Variants in STK39 observed in about 807,000 individuals in gnomAD.
STK39 encodes the protein STE20/SPS1-related proline-alanine-rich protein kinase.
A neutral mutation model predicts 77.8 loss-of-function variants in STK39; 20 were observed. That is an observed-to-expected ratio of 0.26 (90% CI 0.18 to 0.37). The LOEUF is 0.37. Among genes scored for constraint, STK39 ranks in the 10% least tolerant of loss-of-function variants. STK39 has a pLI of 1.00. For missense variants in STK39, 479 were observed against 656.5 expected (o/e 0.73, Z 2.95); for synonymous variants, 246 against 234.1 (o/e 1.05, Z -0.47).
chr2:167,956,696 ACT>A (rs869141537), intron 17 of STK39, among the ~76,000 whole-genome samples: 1,125 of 48,686 alleles, frequency 0.023, 23 homozygotes, highest in East Asian at 0.046. Flanking sequence ...ACACACACAC[ACT>A]CTCTCTCTCT....
rs571825978 is a variant in STK39 at position 168,043,199 on chromosome 2, T to C, written c.1376+20301A>G. Reference sequence around the variant, plus strand: ...AATCAGAGTATGTTTTCCTTTATCATTTAACTTGGTTTATTCATTTTATAC... The same window carrying C: ...AATCAGAGTATGTTTTCCTTTATCACTTAACTTGGTTTATTCATTTTATAC... On this transcript the variant is annotated intron_variant, in intron 14 of 17. Coordinates refer to ENST00000355999, the MANE Select transcript of STK39 (RefSeq NM_013233.3). Among the ~76,000 whole-genome samples the C allele has an allele frequency of 2.0e-5, 3 of 152,278 alleles. No homozygotes were observed. In the South Asian group the frequency reaches 6.2e-4, roughly 32 times the overall value.
chr2:168,160,593 G>A (rs1574514269), intron 5 of STK39, among the ~76,000 whole-genome samples: 1 of 150,142 alleles, frequency 6.7e-6, no homozygotes, highest in South Asian at 2.1e-4. Flanking sequence ...AGATGAAGTA[G>A]TTTATATTTT....
intron 14 of STK39, among the ~76,000 whole-genome samples, chr2:168,062,603 G>A (rs1685692099): frequency 6.6e-6 from 1 of 152,166 alleles, no homozygotes; most frequent in African/African-American, 2.4e-5. Flanking sequence ...ATAACTCAGA[G>A]GGGTGGAAAC....
At chr2:168,012,789 T>C in intron 15 of STK39, 87 bp from the exon 16 acceptor site, 1 of 1,094,660 alleles carries the variant, frequency 9.1e-7, no homozygotes, top group Non-Finnish European at 1.3e-6. Context: ...ATTTTTCATT[T>C]ACTAAAATCG....
At chr2:168,193,878 C>CA (rs1689402805) in intron 1 of STK39, among the ~76,000 whole-genome samples, 2 of 152,304 alleles carry the variant, frequency 1.3e-5, no homozygotes, top group East Asian at 1.9e-4. Context: ...ACAGAGGTGG[C>CA]ATAACTTCCC....
In STK39 at chr2:167,955,118, A is replaced by G. The variant is rs1034803955; in HGVS notation, c.*378T>C. On this transcript the variant is annotated 3_prime_UTR_variant, in exon 18 of 18. Coordinates refer to ENST00000355999, the MANE Select transcript of STK39 (RefSeq NM_013233.3). Reference sequence around the variant, plus strand: ...AATGAAAGGAGAAATAGGCTTCTGGATAGAAAATTCCTTTTGTTGCCAATA... The same window carrying G: ...AATGAAAGGAGAAATAGGCTTCTGGGTAGAAAATTCCTTTTGTTGCCAATA... The G allele has an allele frequency of 1.9e-5, 3 of 159,542 alleles. No individual in the cohort carries two copies. The highest frequency in any genetic ancestry group is 7.2e-5 in the African/African-American group (3 of 41,592). 9.9% of individuals were successfully genotyped at this position (159,542 alleles called of 1,614,324 possible). A position where few individuals can be genotyped will look rare whatever the true frequency, so the allele number is the denominator to read the frequency against.
At chr2:168,234,226 C>T (rs946057665) in intron 1 of STK39, among the ~76,000 whole-genome samples, 2 of 152,196 alleles carry the variant, frequency 1.3e-5, no homozygotes, top group Admixed American at 6.5e-5. Flanking sequence ...CATCCAGCAC[C>T]ACCCCATGTA....
intron 1 of STK39, among the ~76,000 whole-genome samples, chr2:168,206,462 A>G (rs949243559): frequency 6.6e-6 from 1 of 151,844 alleles, no homozygotes; most frequent in Admixed American, 6.6e-5. Context: ...CACCACACCC[A>G]GCTAATTTTC....
intron 1 of STK39, among the ~76,000 whole-genome samples, chr2:168,204,144 A>G (rs1393305936): frequency 3.3e-5 from 5 of 152,264 alleles, no homozygotes; most frequent in Non-Finnish European, 7.3e-5. Flanking sequence ...TGAGGGTTTA[A>G]CAGGGACAGT....
At chr2:168,054,360 C>T (rs539366066) in intron 14 of STK39, among the ~76,000 whole-genome samples, 17 of 152,262 alleles carry the variant, frequency 1.1e-4, no homozygotes, top group Non-Finnish European at 2.2e-4. Flanking sequence ...TAATCTCCCA[C>T]ATGTGAAATT....
chr2:167,977,123 T>C (rs1197955302), intron 16 of STK39, among the ~76,000 whole-genome samples: 2 of 152,188 alleles, frequency 1.3e-5, no homozygotes, highest in Non-Finnish European at 2.9e-5. Flanking sequence ...TTAGTATTAT[T>C]TGGTCCTAGT....
intron 16 of STK39, among the ~76,000 whole-genome samples, chr2:168,007,708 C>T (rs1384631886): frequency 6.6e-6 from 1 of 151,968 alleles, no homozygotes; most frequent in Admixed American, 6.6e-5. Context: ...GGAAGAAGAG[C>T]AAGTTCAACA....
chr2:168,034,553 G>T (rs1464055416), intron 14 of STK39, among the ~76,000 whole-genome samples: 2 of 152,200 alleles, frequency 1.3e-5, no homozygotes, highest in Non-Finnish European at 2.9e-5. Context: ...CTCTTCCTCT[G>T]CACCAGAAGA....
chr2:168,126,601 C>A (rs188141709), intron 10 of STK39, among the ~76,000 whole-genome samples: 1 of 152,122 alleles, frequency 6.6e-6, no homozygotes, highest in South Asian at 2.1e-4. Context: ...CCTAGGAACA[C>A]GTGTATGCCA....
intron 16 of STK39, among the ~76,000 whole-genome samples, chr2:168,011,658 G>A (rs755443517): frequency 2.6e-5 from 4 of 152,118 alleles, no homozygotes; most frequent in African/African-American, 4.8e-5. Flanking sequence ...TGCTTTGTCA[G>A]GAGGTCTATG....
At chr2:168,154,161 C>A (rs141427551) in intron 5 of STK39, among the ~76,000 whole-genome samples, 1 of 152,242 alleles carries the variant, frequency 6.6e-6, no homozygotes, top group East Asian at 1.9e-4. Context: ...CGACAAGGAT[C>A]GAGGAATATC....
intron 16 of STK39, among the ~76,000 whole-genome samples, chr2:167,992,984 G>C (rs1321599163): frequency 2.0e-5 from 3 of 152,148 alleles, no homozygotes; most frequent in Admixed American, 1.3e-4. Flanking sequence ...GCAAACTTTG[G>C]TTTCTTCTCT....
Position 168,163,899 on chromosome 2 carries a change from G to A in STK39, c.431-19C>T. ...ATTGAACCTAAGTAGACAAACAGAA[G>A]AATTAAAACATAAGCACCTTCATCA... is the stretch of plus-strand genomic sequence containing the variant. On this transcript the variant is annotated intron_variant, in intron 3 of 17. Transcript: ENST00000355999. 1 of 1,608,768 alleles carries A rather than the reference G, an allele frequency of 6.2e-7. No homozygotes were observed. Among genetic ancestry groups the A allele is most frequent in the Non-Finnish European group, 8.5e-7 (1 of 1,178,024 alleles).
chr2:167,955,457 T>C lies in STK39; in HGVS notation c.*39A>G, dbSNP rs1238814948. ...GGGTTGAAGGGAGTAGGGGTGGCGG[T>C]GGGGCATGACAGATCAGGGTGACAT... On this transcript the variant is annotated 3_prime_UTR_variant, in exon 18 of 18. Coordinates refer to ENST00000355999, the MANE Select transcript of STK39 (RefSeq NM_013233.3). The C allele has an allele frequency of 6.2e-7, 1 of 1,600,370 alleles. No individual in the cohort carries two copies. The highest frequency in any genetic ancestry group is 8.5e-7 in the Non-Finnish European group (1 of 1,171,016).
Sources: allele counts gnomAD v4.1 joint callset (sites outside exome capture counted in the v4.1 genomes callset), GRCh38; gene constraint gnomAD v4.1.1; transcripts MANE v1.5; gene names NCBI Gene and HGNC (gene_info 2026-07-23, HGNC 2026-07-21).